The following GLYATL2 variants were observed in gnomAD, a reference collection of about 807,000 sequenced individuals.
GLYATL2 encodes the protein glycine N-acyltransferase-like protein 2.
A neutral mutation model predicts 21.4 loss-of-function variants in GLYATL2; 25 were observed. The observed-to-expected ratio is 1.17, with a 90% confidence interval of 0.85 to 1.63. The LOEUF is 1.63. Among genes scored for constraint, GLYATL2 ranks in the 40% most tolerant of loss-of-function variants. GLYATL2 has a pLI of 0.00. For synonymous variants in GLYATL2, 114 were observed against 118.2 expected (o/e 0.96, Z 0.23); for missense variants, 361 against 343.3 (o/e 1.05, Z -0.41).
chr11:58,903,889 G>A (rs1854789081), intron 1 of GLYATL2, among the ~76,000 whole-genome samples: 1 of 152,082 alleles, frequency 6.6e-6, no homozygotes, highest in South Asian at 2.1e-4. Flanking sequence ...CAGTTGGAGT[G>A]GATTAGTATC....
At chr11:58,883,212 G>A (rs141076036) in intron 1 of GLYATL2, among the ~76,000 whole-genome samples, 3,893 of 152,150 alleles carry the variant, frequency 0.026, 85 homozygotes, top group Non-Finnish European at 0.038. Context: ...CCATTAGTTT[G>A]TGTCCTCTTT....
In GLYATL2 at chr11:58,837,482, A is replaced by G. The variant is rs143717742; in HGVS notation, c.187-85T>C. ...ATAGGTCTAGAGTGCTAGAGATTCA[A>G]TTGTTTGAAATATTCTGTTTTTCTG... On this transcript the variant is annotated intron_variant, in intron 3 of 5. Coordinates refer to ENST00000287275, the MANE Select transcript of GLYATL2 (RefSeq NM_145016.4). 1.1e-4 allele frequency: 144 copies of G among 1,271,056 alleles called. 1 individual carries two copies. In the East Asian group the frequency reaches 3.2e-3, roughly 29 times the overall value. The allele number at this position is 1,271,056 out of a possible 1,614,324, so 78.7% of individuals were successfully genotyped here. A position where few individuals can be genotyped will look rare whatever the true frequency, so the allele number is the denominator to read the frequency against.
chr11:58,839,530 G>GT lies in GLYATL2; in HGVS notation c.78+4dup. 3.8e-6 allele frequency: 6 copies of GT among 1,591,512 alleles called. No homozygotes were observed. Among genetic ancestry groups the GT allele is most frequent in the Admixed American group, 1.7e-5 (1 of 59,320 alleles). On this transcript the variant is annotated splice_donor_region_variant and intron_variant, in intron 2 of 5. Transcript: ENST00000287275. ...CTCTCCTTTGATCTCCTCCTACTCC[G>GT]TTACCTTTATGGATTCAGGGATGCT...
At chr11:58,870,535 G>A (rs1317651699) in intron 1 of GLYATL2, among the ~76,000 whole-genome samples, 1 of 152,134 alleles carries the variant, frequency 6.6e-6, no homozygotes, top group Non-Finnish European at 1.5e-5. Flanking sequence ...ATTGAGAAAA[G>A]ACTAAAGACA....
intron 1 of GLYATL2, among the ~76,000 whole-genome samples, chr11:58,895,730 A>G (rs1429352813): frequency 6.6e-6 from 1 of 151,324 alleles, no homozygotes; most frequent in Non-Finnish European, 1.5e-5. Context: ...TTCTAACCAA[A>G]ATCAGCCTGA....
intron 1 of GLYATL2, among the ~76,000 whole-genome samples, chr11:58,860,974 G>A (rs1248082046): frequency 6.6e-6 from 1 of 152,004 alleles, no homozygotes; most frequent in African/African-American, 2.4e-5. Context: ...TGACCTTTTT[G>A]ACATGCTGTT....
At chr11:58,883,112 G>A (rs187179269) in intron 1 of GLYATL2, among the ~76,000 whole-genome samples, 7 of 152,148 alleles carry the variant, frequency 4.6e-5, no homozygotes, top group Admixed American at 1.3e-4. Flanking sequence ...ATAGCTTTAT[G>A]GGGATGGCAT....
chr11:58,907,339 C>T, upstream of GLYATL2: 3 of 456,294 alleles, frequency 6.6e-6, no homozygotes, highest in Non-Finnish European at 1.3e-5. Context: ...TCTTGCTGCC[C>T]TTCCTTGCGA....
chr11:58,863,505 C>A (rs1853968877), intron 1 of GLYATL2, among the ~76,000 whole-genome samples: 2 of 152,184 alleles, frequency 1.3e-5, no homozygotes, highest in Non-Finnish European at 1.5e-5. Flanking sequence ...AGCCTGTATG[C>A]TGGGTTTGCT....
In GLYATL2 at chr11:58,841,073, T is replaced by C. The variant is rs1853542707; in HGVS notation, c.-40-1421A>G. Among the ~76,000 whole-genome samples, 6 of 152,060 alleles carry C rather than the reference T, an allele frequency of 3.9e-5. No homozygotes were observed. The South Asian group carries it at 1.2e-3, about 32-fold the overall frequency. ...ATATATAAATATGTAATACCTCATA[T>C]GATACTTGAAGACAATATATAAGAA... On this transcript the variant is annotated intron_variant, in intron 1 of 5. Transcript: ENST00000287275.
intron 1 of GLYATL2, among the ~76,000 whole-genome samples, chr11:58,881,858 A>G (rs764523857): frequency 9.2e-5 from 14 of 151,938 alleles, no homozygotes; most frequent in Non-Finnish European, 1.6e-4. Flanking sequence ...TGTCCTTGTG[A>G]TAGTTTGTTC....
chr11:58,848,406 G>A (rs575268083), upstream of GLYATL2, among the ~76,000 whole-genome samples: 23 of 152,280 alleles, frequency 1.5e-4, no homozygotes, highest in South Asian at 4.6e-3. Context: ...ACCCTTCAGA[G>A]AGAGAATTCA....
intron 1 of GLYATL2, among the ~76,000 whole-genome samples, chr11:58,893,821 A>C (rs575642249): frequency 6.6e-5 from 10 of 152,328 alleles, no homozygotes; most frequent in African/African-American, 1.9e-4. Flanking sequence ...GAAGGACTTT[A>C]ATAAAATTGT....
In GLYATL2 at chr11:58,864,121, G is replaced by A. The variant is rs777758409; in HGVS notation, n.61-25753C>T. On this transcript the variant is annotated intron_variant and non_coding_transcript_variant, in intron 1 of 4. Coordinates refer to the GLYATL2 transcript ENST00000533636. Reference sequence around the variant, plus strand: ...GGTGGACTTGGAGTCTGTGACCACGGGGGCTAGCCTGGCGCTAGGCAGTCC... The same window carrying A: ...GGTGGACTTGGAGTCTGTGACCACGAGGGCTAGCCTGGCGCTAGGCAGTCC... 2.2e-4 allele frequency among the ~76,000 whole-genome samples: 34 copies of A among 152,186 alleles called. 1 individual carries two copies. Among genetic ancestry groups the A allele is most frequent in the Non-Finnish European group, 1.3e-4 (9 of 68,014 alleles).
intron 1 of GLYATL2, among the ~76,000 whole-genome samples, chr11:58,894,772 A>G (rs951753635): frequency 1.3e-5 from 2 of 152,228 alleles, no homozygotes; most frequent in Non-Finnish European, 2.9e-5. Flanking sequence ...GAATTGGACA[A>G]ATCAGATTTC....
chr11:58,846,539 C>G (rs141919829), upstream of GLYATL2, among the ~76,000 whole-genome samples: 214 of 151,518 alleles, frequency 1.4e-3, 3 homozygotes, highest in African/African-American at 5.0e-3. Context: ...AAGAACACAG[C>G]AATTATGAGG....
chr11:58,836,980 T>C, intron 5 of GLYATL2, 35 bp downstream of exon 5: 1 of 1,588,038 alleles, frequency 6.3e-7, no homozygotes, highest in South Asian at 1.1e-5. Context: ...AGTAATTCTA[T>C]CAAGGAATTT....
intron 1 of GLYATL2, among the ~76,000 whole-genome samples, chr11:58,862,028 C>A (rs185426961): frequency 4.5e-4 from 60 of 134,010 alleles, no homozygotes; most frequent in African/African-American, 1.6e-3. Flanking sequence ...AGTTTTTAAT[C>A]TCTCCATTAT....
rs531690466 is a variant in GLYATL2 at position 58,855,413 on chromosome 11, G to T, written n.61-17045C>A. 7.6e-4 allele frequency among the ~76,000 whole-genome samples: 115 copies of T among 152,158 alleles called. 1 individual carries two copies. The highest frequency in any genetic ancestry group is 1.0e-3 in the Non-Finnish European group (71 of 68,022). On this transcript the variant is annotated intron_variant and non_coding_transcript_variant, in intron 1 of 4. Transcript: ENST00000533636. ...AAGAATATATTTTTCGTGAGCATTA[G>T]GTCTCAATTGTAGGCTTAAAATATT...
Sources: allele counts gnomAD v4.1 joint callset (sites outside exome capture counted in the v4.1 genomes callset), GRCh38; gene constraint gnomAD v4.1.1; transcripts MANE v1.5; gene names NCBI Gene and HGNC (gene_info 2026-07-23, HGNC 2026-07-21).